Variants in CLTC observed in about 807,000 individuals in gnomAD.
The protein encoded by CLTC is clathrin heavy chain 1.
Under a neutral mutation model 195.8 loss-of-function variants are expected in CLTC, and 16 were observed. That is an observed-to-expected ratio of 0.08 (90% CI 0.06 to 0.12). The LOEUF (loss-of-function observed/expected upper bound fraction) is 0.12, where lower values mean the gene tolerates loss of function less well. Among genes scored for constraint, CLTC ranks in the 10% least tolerant of loss-of-function variants. CLTC has a pLI of 1.00. For synonymous variants in CLTC, 667 were observed against 689.4 expected (o/e 0.97, Z 0.51); for missense variants, 796 against 2,027.0 (o/e 0.39, Z 11.66).
chr17:59,631,169 G>A (rs1313534975), intron 1 of CLTC, among the ~76,000 whole-genome samples: 1 of 152,120 alleles, frequency 6.6e-6, no homozygotes, highest in Non-Finnish European at 1.5e-5. Flanking sequence ...CTGTAGCCCT[G>A]CCCTCCCTTA....
chr17:59,680,123 A>C (rs2033052893), intron 18 of CLTC, among the ~76,000 whole-genome samples: 1 of 152,150 alleles, frequency 6.6e-6, no homozygotes, highest in African/African-American at 2.4e-5. Flanking sequence ...CTCTTGGTTC[A>C]TCATAGTTTA....
chr17:59,631,996 T>A (rs2031733256), intron 1 of CLTC, among the ~76,000 whole-genome samples: 1 of 151,612 alleles, frequency 6.6e-6, no homozygotes, highest in African/African-American at 2.4e-5. Flanking sequence ...GATTTTAGTT[T>A]AGAAGTAAAT....
intron 14 of CLTC, among the ~76,000 whole-genome samples, chr17:59,670,537 C>T (rs1212018807): frequency 6.6e-6 from 1 of 152,000 alleles, no homozygotes; most frequent in Non-Finnish European, 1.5e-5. Context: ...TGAGAACATG[C>T]AGTATTTGGT....
chr17:59,682,709 G>C lies in CLTC; in HGVS notation c.3681G>C (p.Leu1227Phe). 3 of 1,614,066 alleles carry C rather than the reference G, an allele frequency of 1.9e-6. No individual in the cohort carries two copies. The highest frequency in any genetic ancestry group is 2.5e-6 in the Non-Finnish European group (3 of 1,179,976). ...ATAATGTTTCCAATTTTGGACGTTT[G>C]GCATCTACCCTGGTTCACCTGGGTG... ...LYNNVSNFGR[L>F]ASTLVHLGEY... Residue 1227 changes from leucine to phenylalanine, a missense_variant, in exon 23 of 32, where the codon TTG (leucine) becomes TTC (phenylalanine). By Grantham distance (22) the Leu-to-Phe change is conservative. This residue lies in a region of CLTC where 102 missense variants were observed against 317.6 expected (regional missense o/e 0.32). Coordinates refer to ENST00000269122, the MANE Select transcript of CLTC (RefSeq NM_004859.4). The surrounding 1 kb of genome is among the most constrained non-coding windows in gnomAD (Gnocchi z 6.8).
chr17:59,652,497 T>A (rs1382742580), intron 5 of CLTC, among the ~76,000 whole-genome samples: 1 of 152,216 alleles, frequency 6.6e-6, no homozygotes, highest in Non-Finnish European at 1.5e-5. Context: ...GTCCATAGGC[T>A]TCAGAGTGGA....
At chr17:59,690,784 A>G in intron 31 of CLTC, 73 bp downstream of exon 31, 1 of 1,143,006 alleles carries the variant, frequency 8.7e-7, no homozygotes, top group Non-Finnish European at 1.3e-6. Flanking sequence ...GCCTCAAAAT[A>G]GAATACAACA....
intron 8 of CLTC, 80 bp from the exon 9 acceptor site, chr17:59,663,758 ATTAC>A: frequency 1.8e-6 from 2 of 1,137,936 alleles, no homozygotes; most frequent in Non-Finnish European, 2.5e-6. Context: ...CATACTAGTT[ATTAC>A]TTATAGTGGA....
rs2032724855 is a variant in CLTC, at chr17:59,666,091, C to T, written c.1645-12C>T. On this transcript the variant is annotated splice_polypyrimidine_tract_variant and intron_variant, in intron 10 of 31. Transcript: ENST00000269122. The surrounding 1 kb of genome is among the most constrained non-coding windows in gnomAD (Gnocchi z 4.9). The stretch of plus-strand genomic sequence containing the variant: ...TATCTTAAAACAATTTCTTTTAAAT[C>T]TTTTTTTGTAGATTGTAGATGTCTT... 1 of 1,582,836 alleles carries T rather than the reference C, an allele frequency of 6.3e-7. No homozygotes were observed.
In CLTC at chr17:59,679,536, T is replaced by C. The variant is rs202194344; in HGVS notation, c.2919+17T>C. On this transcript the variant is annotated intron_variant, in intron 18 of 31. Coordinates refer to ENST00000269122, the MANE Select transcript of CLTC (RefSeq NM_004859.4). Reference sequence around the variant, plus strand: ...ATTGACCAGGTAACATTGGCAAATGTGTTTATGGCTGTCAGTAAAAATTAT... The same window carrying C: ...ATTGACCAGGTAACATTGGCAAATGCGTTTATGGCTGTCAGTAAAAATTAT... 1.9e-5 allele frequency: 29 copies of C among 1,545,342 alleles called. No homozygotes were observed. Among genetic ancestry groups the C allele is most frequent in the South Asian group, 2.6e-5 (2 of 78,124 alleles).
At chr17:59,677,479 A>G (rs1598236954) in intron 17 of CLTC, among the ~76,000 whole-genome samples, 1 of 152,198 alleles carries the variant, frequency 6.6e-6, no homozygotes, top group Non-Finnish European at 1.5e-5. Context: ...ACACACACAT[A>G]CTATTTTTTA....
rs1464396892 is a variant in CLTC, at chr17:59,676,474, A to G, written c.2562-480A>G. 2.0e-5 allele frequency among the ~76,000 whole-genome samples: 3 copies of G among 152,192 alleles called. No individual in the cohort carries two copies. The East Asian group carries it at 5.8e-4, about 29-fold the overall frequency. On this transcript the variant is annotated intron_variant, in intron 16 of 31. Coordinates refer to ENST00000269122, the MANE Select transcript of CLTC (RefSeq NM_004859.4). ...ACAAACAAAATTTTCTGAAGTCTAG[A>G]TATTTTGTGTGTTATAAAGAAAGGA...
At position 59,683,193 on chromosome 17, in the gene CLTC, C is replaced by T; in HGVS notation, c.3972C>T (p.Tyr1324=). Residue 1324 remains tyrosine, a synonymous_variant, in exon 25 of 32, where the codon TAC becomes TAT. Transcript: ENST00000269122. This position sits in a 1 kb window ranked among gnomAD's most constrained non-coding sequence, Gnocchi z 6.1. ...TGTTTACTGAATTAGCTATTCTATA[C>T]TCTAAATTTAAGCCTCAGAAAATGA... ...MGMFTELAIL[Y]SKFKPQKMRE... 6.2e-7 allele frequency: 1 copy of T among 1,614,122 alleles called. No homozygotes were observed.
chr17:59,692,820 A>G (rs1014302913), intron 31 of CLTC, among the ~76,000 whole-genome samples: 1 of 151,916 alleles, frequency 6.6e-6, no homozygotes, highest in African/African-American at 2.4e-5. Flanking sequence ...TTGTATTTTT[A>G]GTAGAGACGG....
chr17:59,628,834 G>A (rs554290381), intron 1 of CLTC, among the ~76,000 whole-genome samples: 43 of 152,082 alleles, frequency 2.8e-4, no homozygotes, highest in African/African-American at 1.0e-3. Flanking sequence ...AATTTTTTTT[G>A]TATTTTTAGT....
At chr17:59,627,876 G>A (rs2031599452) in intron 1 of CLTC, among the ~76,000 whole-genome samples, 1 of 152,166 alleles carries the variant, frequency 6.6e-6, no homozygotes, top group African/African-American at 2.4e-5. Flanking sequence ...GGAAACTTCT[G>A]CTTTCTATTT....
chr17:59,676,081 C>CT (rs1322408322), intron 16 of CLTC, among the ~76,000 whole-genome samples: 1 of 152,158 alleles, frequency 6.6e-6, no homozygotes. Flanking sequence ...TGGCTTGTGC[C>CT]TGTAGTCCCA....
At chr17:59,668,402 T>G (rs1203459559) in intron 13 of CLTC, among the ~76,000 whole-genome samples, 2 of 152,200 alleles carry the variant, frequency 1.3e-5, no homozygotes, top group African/African-American at 4.8e-5. Flanking sequence ...TCTTAAAAAT[T>G]AGCCTGGCAT....
chr17:59,620,273 G>T (rs1033879849), intron 1 of CLTC, 100 bp downstream of exon 1: 3 of 1,255,916 alleles, frequency 2.4e-6, no homozygotes, highest in Non-Finnish European at 3.5e-6. Context: ...CTGGAGGGGC[G>T]GGGGGGTTGT....
chr17:59,676,877 T>A, intron 16 of CLTC, 77 bp from the exon 17 acceptor site: 1 of 1,074,504 alleles, frequency 9.3e-7, no homozygotes, highest in Non-Finnish European at 1.4e-6. Flanking sequence ...CATAAGGTAT[T>A]TACATAGTTA....
Sources: allele counts gnomAD v4.1 joint callset (sites outside exome capture counted in the v4.1 genomes callset), GRCh38; gene constraint gnomAD v4.1.1; regional missense constraint gnomAD v4.1.1; non-coding constraint Gnocchi (gnomAD v3.1); transcripts MANE v1.5; gene names NCBI Gene and HGNC (gene_info 2026-07-23, HGNC 2026-07-21).